Variants in PCDHA8 observed in about 807,000 individuals in gnomAD.
PCDHA8 encodes protocadherin alpha 8, also known as protocadherin alpha-8.
Under a neutral mutation model 61.8 loss-of-function variants are expected in PCDHA8, and 53 were observed. The ratio of observed to expected loss-of-function variants is 0.86; its 90% CI spans 0.69 to 1.08. The LOEUF (loss-of-function observed/expected upper bound fraction) is 1.08, where lower values mean the gene tolerates loss of function less well. Ranked by LOEUF, PCDHA8 falls within the 50% of genes least tolerant of loss-of-function variation. PCDHA8 has a pLI of 0.00. For synonymous variants in PCDHA8, 618 were observed against 556.6 expected (o/e 1.11, Z -1.55); for missense variants, 1,293 against 1,245.0 (o/e 1.04, Z -0.58).
At chr5:140,987,227 A>T (rs1410526870) in intron 3 of PCDHA8, among the ~76,000 whole-genome samples, 2 of 151,696 alleles carry the variant, frequency 1.3e-5, no homozygotes, top group African/African-American at 4.8e-5. Context: ...AAAAAAAAAA[A>T]TAATAAATAA....
chr5:140,843,383 G>A lies in PCDHA8; in HGVS notation c.2062G>A (p.Gly688Ser), dbSNP rs1778840554. 6.3e-7 allele frequency: 1 copy of A among 1,596,120 alleles called. No individual in the cohort carries two copies. The highest frequency in any genetic ancestry group is 1.1e-5 in the South Asian group (1 of 90,512). The change falls in exon 1 of 4, where the codon GGT becomes AGT. Residue 688 changes from glycine to serine, a missense_variant. Transcript: ENST00000531613. ...ASSRQSAGVLGPEAALVDVNV... is the reference protein window; with the variant it reads ...ASSRQSAGVLSPEAALVDVNV... ...ATCGAGGCAGTCGGCTGGCGTTTTG[G>A]GTCCGGAAGCGGCGCTGGTGGATGT...
intron 1 of PCDHA8, among the ~76,000 whole-genome samples, chr5:140,931,932 T>C (rs1163129550): frequency 6.6e-6 from 1 of 151,986 alleles, no homozygotes; most frequent in South Asian, 2.1e-4. Context: ...ATGATTATAA[T>C]GTGTGTCTGA....
intron 1 of PCDHA8, among the ~76,000 whole-genome samples, chr5:140,954,496 T>G (rs571286912): frequency 2.3e-4 from 35 of 152,256 alleles, no homozygotes; most frequent in Non-Finnish European, 2.8e-4. Context: ...CATTGTGGTT[T>G]TGATTTGCAT....
intron 2 of PCDHA8, among the ~76,000 whole-genome samples, chr5:140,979,726 G>A (rs2096861839): frequency 1.3e-5 from 2 of 152,072 alleles, no homozygotes; most frequent in African/African-American, 4.8e-5. Context: ...CATGCCATGG[G>A]GCCAAATAAA....
Position 140,979,960 on chromosome 5 carries a change from C to T in PCDHA8, c.2453+953C>T, listed in dbSNP as rs2096871601. 2.0e-5 allele frequency among the ~76,000 whole-genome samples: 3 copies of T among 152,266 alleles called. No homozygotes were observed. The South Asian group carries it at 6.2e-4, about 32-fold the overall frequency. ...AGAGTTAATGTGAAATTAGTTTTAG[C>T]CCATTAAAATGCATTAGATTGAAAT... On this transcript the variant is annotated intron_variant, in intron 2 of 3. Coordinates refer to ENST00000531613, the MANE Select transcript of PCDHA8 (RefSeq NM_018911.3).
At position 140,843,557 on chromosome 5, in the gene PCDHA8, G is replaced by C. The variant is rs1778973583; in HGVS notation, c.2236G>C (p.Gly746Arg). 6.3e-7 allele frequency: 1 copy of C among 1,595,984 alleles called. No homozygotes were observed. ...KPTLVCSSAV[G>R]SWSYSQQQPQ... ...CACTCTGGTGTGCTCCAGTGCGGTG[G>C]GGAGCTGGTCATACTCGCAACAACA... is the stretch of plus-strand genomic sequence containing the variant. The change falls in exon 1 of 4, where the codon GGG (glycine) becomes CGG (arginine). Residue 746 changes from glycine (G) to arginine (R), a missense_variant. Coordinates refer to ENST00000531613, the MANE Select transcript of PCDHA8 (RefSeq NM_018911.3).
intron 1 of PCDHA8, among the ~76,000 whole-genome samples, chr5:140,939,940 C>G (rs1438905083): frequency 6.6e-6 from 1 of 152,140 alleles, no homozygotes; most frequent in Non-Finnish European, 1.5e-5. Context: ...TTATCAGTTA[C>G]TGAGAAAATT....
chr5:140,917,324 C>CGGGGGGG (rs1299895515), intron 1 of PCDHA8, among the ~76,000 whole-genome samples: 2 of 76,152 alleles, frequency 2.6e-5, no homozygotes, highest in African/African-American at 4.3e-5. Flanking sequence ...GTTCATGTGG[C>CGGGGGGG]GGGGGAGGGG....
intron 1 of PCDHA8, chr5:140,850,107 C>G (rs2150467518): frequency 6.3e-7 from 1 of 1,596,166 alleles, no homozygotes; most frequent in East Asian, 2.2e-5. Context: ...GGTGAGCGCG[C>G]GCGACGCGGG....
rs201937079 is a variant in PCDHA8 at position 140,870,716 on chromosome 5, A to G, written c.2394+27001A>G. 15 of 1,613,024 alleles carry G rather than the reference A, an allele frequency of 9.3e-6. No individual in the cohort carries two copies. The highest frequency in any genetic ancestry group is 1.2e-5 in the Non-Finnish European group (14 of 1,179,860). On this transcript the variant is annotated intron_variant, in intron 1 of 3. Coordinates refer to ENST00000531613, the MANE Select transcript of PCDHA8 (RefSeq NM_018911.3). ...CTACAGTTCCAGGTGAGCGCGCGCG[A>G]TGCGGGCGTGCCGCCTCTGAGCAGC... is the stretch of plus-strand genomic sequence containing the variant.
chr5:140,870,346 G>C (rs782365260), intron 1 of PCDHA8: 2 of 1,614,236 alleles, frequency 1.2e-6, no homozygotes, highest in Non-Finnish European at 1.7e-6. Context: ...CCTGGACCGC[G>C]AGAACGTGTG....
In PCDHA8 at chr5:140,977,177, T is replaced by G. The variant is rs139020033; in HGVS notation, c.2395-1772T>G. On this transcript the variant is annotated intron_variant, in intron 1 of 3. Coordinates refer to ENST00000531613, the MANE Select transcript of PCDHA8 (RefSeq NM_018911.3). ...CCTTTCAGCAAAATGAGTTTGATGA[T>G]TTCATTCCAAAGATCAAGTTGCAGC... 6.8e-3 allele frequency among the ~76,000 whole-genome samples: 1,032 copies of G among 152,274 alleles called. 9 individuals are homozygous for G. Among genetic ancestry groups the G allele is most frequent in the African/African-American group, 0.023 (966 of 41,542 alleles).
chr5:140,879,879 G>A lies in PCDHA8; in HGVS notation c.2394+36164G>A, dbSNP rs564256513. Among the ~76,000 whole-genome samples the A allele has an allele frequency of 4.6e-5, 7 of 152,240 alleles. No individual in the cohort carries two copies. In the South Asian group the frequency reaches 1.5e-3, roughly 32 times the overall value. On this transcript the variant is annotated intron_variant, in intron 1 of 3. Coordinates refer to ENST00000531613, the MANE Select transcript of PCDHA8 (RefSeq NM_018911.3). ...CCTTCTCAGCTTTCATGGTCACATT[G>A]CCTCCTCCTCTCCATGTCTCTCTCT... is the stretch of plus-strand genomic sequence containing the variant.
intron 1 of PCDHA8, chr5:140,856,598 A>C: frequency 6.3e-7 from 1 of 1,597,872 alleles, no homozygotes; most frequent in East Asian, 2.2e-5. Context: ...TATTATAAAC[A>C]AAAAAGACAA....
At chr5:140,934,279 A>G (rs2089746811) in intron 1 of PCDHA8, among the ~76,000 whole-genome samples, 1 of 152,104 alleles carries the variant, frequency 6.6e-6, no homozygotes, top group South Asian at 2.1e-4. Flanking sequence ...TGCTTCATCA[A>G]GGGCATTCTT....
At chr5:140,977,096 G>A (rs1401413424) in intron 1 of PCDHA8, among the ~76,000 whole-genome samples, 1 of 152,182 alleles carries the variant, frequency 6.6e-6, no homozygotes, top group East Asian at 1.9e-4. Flanking sequence ...TGTGTCATTG[G>A]GGAAGTGAGA....
At chr5:140,866,126 G>T (rs1435544560) in intron 1 of PCDHA8, 2 of 152,108 alleles carry the variant, frequency 1.3e-5, no homozygotes, top group African/African-American at 4.8e-5. Context: ...TAAGAACTAC[G>T]TATCTGTTGT....
At chr5:140,923,664 T>C (rs898223251) in intron 1 of PCDHA8, among the ~76,000 whole-genome samples, 1 of 152,234 alleles carries the variant, frequency 6.6e-6, no homozygotes, top group Non-Finnish European at 1.5e-5. Context: ...CTTTGGGATA[T>C]CGTTCTCTCT....
chr5:140,902,171 A>T, intron 1 of PCDHA8, among the ~76,000 whole-genome samples: 1 of 144,502 alleles, frequency 6.9e-6, no homozygotes, highest in Non-Finnish European at 1.5e-5. Flanking sequence ...TCTAATTTGG[A>T]TGTCCTTTAT....
Sources: allele counts gnomAD v4.1 joint callset (sites outside exome capture counted in the v4.1 genomes callset), GRCh38; gene constraint gnomAD v4.1.1; transcripts MANE v1.5; gene names NCBI Gene and HGNC (gene_info 2026-07-23, HGNC 2026-07-21).